The following RIT2 variants were observed in gnomAD, a reference collection of about 807,000 sequenced individuals.
RIT2 encodes the protein GTP-binding protein Rit2.
Under a neutral mutation model 23.7 loss-of-function variants are expected in RIT2, and 24 were observed. The observed-to-expected ratio is 1.01, with a 90% CI of 0.73 to 1.43. The LOEUF is 1.43. Among genes scored for constraint, RIT2 ranks in the 40% most tolerant of loss-of-function variants. RIT2 has a pLI of 0.00. For missense variants in RIT2, 236 were observed against 266.9 expected, an observed-to-expected ratio of 0.88 and a Z score of 0.81; for synonymous variants, 107 against 91.1, an observed-to-expected ratio of 1.17 and a Z score of -0.99.
At chr18:43,034,190 C>T (rs1273744909) in intron 1 of RIT2, among the ~76,000 whole-genome samples, 1 of 152,106 alleles carries the variant, frequency 6.6e-6, no homozygotes, top group Non-Finnish European at 1.5e-5. Flanking sequence ...TTGACCTTCT[C>T]TGGTTGAACA....
At chr18:43,095,938 G>A (rs772262815) in intron 1 of RIT2, among the ~76,000 whole-genome samples, 3 of 151,922 alleles carry the variant, frequency 2.0e-5, no homozygotes, top group Non-Finnish European at 1.5e-5. Context: ...GAAAGATCCT[G>A]GCTTACTAGG....
At chr18:42,909,258 G>C (rs530170303) in intron 4 of RIT2, among the ~76,000 whole-genome samples, 163 of 152,244 alleles carry the variant, frequency 1.1e-3, no homozygotes, top group Non-Finnish European at 1.6e-3. Context: ...ACTTATAAGT[G>C]AGAGCTAAGC....
chr18:42,872,549 T>C (rs796635448), intron 4 of RIT2, among the ~76,000 whole-genome samples: 2 of 152,190 alleles, frequency 1.3e-5, no homozygotes, highest in South Asian at 4.1e-4. Context: ...AGCAATCTGG[T>C]GTCTCAAAAG....
At chr18:42,883,924 T>C (rs941541071) in intron 4 of RIT2, among the ~76,000 whole-genome samples, 4 of 152,198 alleles carry the variant, frequency 2.6e-5, no homozygotes, top group Non-Finnish European at 4.4e-5. Context: ...TTTTTTGCCA[T>C]GTGTAATGCT....
chr18:43,058,619 T>A (rs1447797397), intron 1 of RIT2, among the ~76,000 whole-genome samples: 1 of 152,058 alleles, frequency 6.6e-6, no homozygotes, highest in African/African-American at 2.4e-5. Flanking sequence ...AGGTGCAGTG[T>A]CTCATGCCTG....
chr18:42,802,932 T>C (rs886396681), intron 4 of RIT2, among the ~76,000 whole-genome samples: 1 of 152,180 alleles, frequency 6.6e-6, no homozygotes, highest in African/African-American at 2.4e-5. Context: ...CAGTATACTA[T>C]ATGCTTTGGA....
intron 4 of RIT2, among the ~76,000 whole-genome samples, chr18:42,879,205 G>T (rs1907823330): frequency 6.6e-6 from 1 of 152,036 alleles, no homozygotes; most frequent in Non-Finnish European, 1.5e-5. Flanking sequence ...CATCTTCCTA[G>T]AAATTTTCTC....
chr18:43,079,544 A>G (rs1012091314), intron 1 of RIT2, among the ~76,000 whole-genome samples: 1 of 152,180 alleles, frequency 6.6e-6, no homozygotes, highest in African/African-American at 2.4e-5. Flanking sequence ...ATCATCGTTA[A>G]GTAGGGCTCT....
At chr18:43,076,346 G>T (rs777629160) in intron 1 of RIT2, among the ~76,000 whole-genome samples, 1 of 151,890 alleles carries the variant, frequency 6.6e-6, no homozygotes, top group Non-Finnish European at 1.5e-5. Flanking sequence ...CCGTTAAATT[G>T]ATCTTTTTTT....
At chr18:42,989,177 G>C (rs1470861399) in intron 2 of RIT2, among the ~76,000 whole-genome samples, 2 of 152,072 alleles carry the variant, frequency 1.3e-5, no homozygotes, top group African/African-American at 2.4e-5. Context: ...TATAGAAGGA[G>C]GACAAAAAGT....
intron 3 of RIT2, among the ~76,000 whole-genome samples, chr18:42,968,881 G>A (rs1256338028): frequency 6.6e-6 from 1 of 152,176 alleles, no homozygotes. Context: ...CAGCAGTGAG[G>A]AGAAGTACAT....
At chr18:42,833,965 G>T (rs955197767) in intron 4 of RIT2, among the ~76,000 whole-genome samples, 2 of 152,098 alleles carry the variant, frequency 1.3e-5, no homozygotes, top group African/African-American at 2.4e-5. Flanking sequence ...TGTTTGCTAG[G>T]TATGGTGCTA....
intron 2 of RIT2, among the ~76,000 whole-genome samples, chr18:42,979,441 C>A (rs997051277): frequency 6.6e-6 from 1 of 151,998 alleles, no homozygotes; most frequent in African/African-American, 2.4e-5. Context: ...AGCTATTTTT[C>A]TATAACTCCA....
intron 4 of RIT2, among the ~76,000 whole-genome samples, chr18:42,904,460 A>T (rs1350233587): frequency 6.6e-6 from 1 of 152,130 alleles, no homozygotes; most frequent in East Asian, 1.9e-4. Context: ...GGCATGAGAG[A>T]CTAAAGCAGC....
intron 1 of RIT2, among the ~76,000 whole-genome samples, chr18:43,101,055 G>GTATA (rs532659924): frequency 3.3e-5 from 5 of 150,910 alleles, no homozygotes; most frequent in South Asian, 2.1e-4. Context: ...GTATGTGTGT[G>GTATA]TATATATATA....
At chr18:43,020,692 C>A (rs554413502) in intron 2 of RIT2, among the ~76,000 whole-genome samples, 1 of 151,894 alleles carries the variant, frequency 6.6e-6, no homozygotes, top group Non-Finnish European at 1.5e-5. Flanking sequence ...AAATGGAGCA[C>A]CCAGAAAGAA....
intron 4 of RIT2, among the ~76,000 whole-genome samples, chr18:42,796,998 A>ATC (rs907182254): frequency 7.6e-4 from 115 of 152,316 alleles, no homozygotes; most frequent in African/African-American, 2.7e-3. Flanking sequence ...CTAATCTTAG[A>ATC]TATCTCTAAA....
chr18:42,937,334 C>A (rs924411493), intron 3 of RIT2, among the ~76,000 whole-genome samples: 2 of 152,132 alleles, frequency 1.3e-5, no homozygotes, highest in African/African-American at 4.8e-5. Flanking sequence ...AATAATTTGG[C>A]CAACAATTTT....
intron 4 of RIT2, among the ~76,000 whole-genome samples, chr18:42,873,613 AT>A (rs1297581401): frequency 6.6e-6 from 1 of 152,044 alleles, no homozygotes; most frequent in African/African-American, 2.4e-5. Flanking sequence ...CTGTTCCTTG[AT>A]GAGTTTTTAA....
Sources: allele counts gnomAD v4.1 joint callset (sites outside exome capture counted in the v4.1 genomes callset), GRCh38; gene constraint gnomAD v4.1.1; transcripts MANE v1.5; gene names NCBI Gene and HGNC (gene_info 2026-07-23, HGNC 2026-07-21).